The following ATP6V0A1 variants were observed in gnomAD, a reference collection of about 807,000 sequenced individuals.
ATP6V0A1 encodes ATPase H+ transporting V0 subunit a1, also known as V-type proton ATPase 116 kDa subunit a 1.
A neutral mutation model predicts 105.4 loss-of-function variants in ATP6V0A1; 43 were observed. The ratio of observed to expected loss-of-function variants is 0.41; its 90% confidence interval spans 0.32 to 0.53. The LOEUF (loss-of-function observed/expected upper bound fraction) is 0.53. Among genes scored for constraint, ATP6V0A1 ranks in the 20% least tolerant of loss-of-function variants. ATP6V0A1 has a pLI of 0.30. For synonymous variants in ATP6V0A1, 362 were observed against 372.8 expected, an observed-to-expected ratio of 0.97 and a Z score of 0.33; for missense variants, 676 against 1,051.1, an observed-to-expected ratio of 0.64 and a Z score of 4.93.
At chr17:42,471,021 G>A (rs2087829403) in intron 5 of ATP6V0A1, 1 of 152,196 alleles carries the variant, frequency 6.6e-6, no homozygotes, top group East Asian at 1.9e-4. Flanking sequence ...TACTCGAGAG[G>A]CTGAGGCAGG....
At chr17:42,486,949 T>G (rs895189116) in intron 9 of ATP6V0A1, among the ~76,000 whole-genome samples, 2 of 152,188 alleles carry the variant, frequency 1.3e-5, no homozygotes, top group Non-Finnish European at 2.9e-5. Flanking sequence ...GGTTTCTTTT[T>G]AGGTTGAAGC....
At chr17:42,518,782 G>A (rs1443222220) in intron 21 of ATP6V0A1, 5 of 152,224 alleles carry the variant, frequency 3.3e-5, no homozygotes, top group African/African-American at 1.2e-4. Context: ...AGTGTCTTGG[G>A]GCATGGCAAG....
intron 11 of ATP6V0A1, among the ~76,000 whole-genome samples, chr17:42,492,706 CAAAA>C (rs56397012): frequency 1.2e-4 from 11 of 95,122 alleles, no homozygotes; most frequent in Admixed American, 1.2e-4. Context: ...AACTCTGTCT[CAAAA>C]AAAAAAAAAA....
chr17:42,515,535 C>T (rs2092584697), intron 21 of ATP6V0A1, among the ~76,000 whole-genome samples: 1 of 149,108 alleles, frequency 6.7e-6, no homozygotes, highest in Admixed American at 6.7e-5. Context: ...CCTGTAATCC[C>T]AGCACTTTGG....
intron 11 of ATP6V0A1, among the ~76,000 whole-genome samples, chr17:42,491,519 C>T (rs1304873191): frequency 6.6e-6 from 1 of 150,540 alleles, no homozygotes; most frequent in Non-Finnish European, 1.5e-5. Context: ...GATTTACTCT[C>T]GTTGCCCAGG....
intron 21 of ATP6V0A1, 131 bp from the exon 22 acceptor site, chr17:42,520,896 C>T (rs2092816281): frequency 2.5e-6 from 2 of 786,258 alleles, no homozygotes; most frequent in African/African-American, 1.7e-5. Context: ...TCTGGGCTTT[C>T]TCTAGCTTCC....
intron 11 of ATP6V0A1, 74 bp from the exon 12 acceptor site, chr17:42,494,259 GA>G: frequency 6.9e-7 from 1 of 1,440,282 alleles, no homozygotes. Context: ...GGTGGGTATG[GA>G]AAAGAATGTA....
chr17:42,478,134 TCTCA>T (rs1024165162), intron 6 of ATP6V0A1, among the ~76,000 whole-genome samples: 10 of 144,546 alleles, frequency 6.9e-5, no homozygotes, highest in Non-Finnish European at 1.5e-4. Context: ...CACCACATGT[TCTCA>T]CTCATAGGTG....
chr17:42,512,284 T>C (rs2092381063), intron 19 of ATP6V0A1, among the ~76,000 whole-genome samples: 1 of 152,216 alleles, frequency 6.6e-6, no homozygotes, highest in African/African-American at 2.4e-5. Context: ...GCTTCTCTCC[T>C]GTCCTGCAGT....
At chr17:42,466,651 C>T (rs1322863297) in intron 3 of ATP6V0A1, 144 bp downstream of exon 3, 17 of 659,428 alleles carry the variant, frequency 2.6e-5, no homozygotes, top group South Asian at 4.8e-5. Flanking sequence ...GTGTATTTCT[C>T]GTATACGAGT....
intron 10 of ATP6V0A1, among the ~76,000 whole-genome samples, chr17:42,487,584 C>T (rs4796589): frequency 0.94 from 142,940 of 152,136 alleles, 67,828 homozygotes; most frequent in East Asian, 1. Flanking sequence ...AAAAATTAGC[C>T]GGGCGTGTTG....
chr17:42,513,977 G>A lies in ATP6V0A1; in HGVS notation c.2247G>A (p.Ala749=), dbSNP rs141011161. The A allele has an allele frequency of 4.5e-5, 73 of 1,613,032 alleles. 1 individual carries two copies. In the East Asian group the frequency reaches 6.0e-4, roughly 13 times the overall value. The change falls in exon 20 of 22, where the codon GCG becomes GCA. Residue 749 remains alanine, a splice_region_variant and synonymous_variant. Coordinates refer to ENST00000343619, the MANE Select transcript of ATP6V0A1 (RefSeq NM_001130021.3). ...LRLWALSLAH[A]QLSEVLWTMV... Reference sequence around the variant, plus strand: ...TCTGGGCCCTCAGCCTCGCTCATGCGCGTGAGTACCTCTCTCCGGGCTCCG... The same window carrying A: ...TCTGGGCCCTCAGCCTCGCTCATGCACGTGAGTACCTCTCTCCGGGCTCCG...
Position 42,521,780 on chromosome 17 carries a change from A to G in ATP6V0A1, c.*660A>G, listed in dbSNP as rs1200181723. On this transcript the variant is annotated 3_prime_UTR_variant, in exon 22 of 22. Transcript: ENST00000343619. This position sits in a 1 kb window ranked among gnomAD's most constrained non-coding sequence, Gnocchi z 4.8. ...CCCATCCTTTCCTCTCTCCCCGTTCATGCCCTGCACTACATAGCACAGCCG... is the reference window on the plus strand; with the variant it reads ...CCCATCCTTTCCTCTCTCCCCGTTCGTGCCCTGCACTACATAGCACAGCCG... 6.6e-6 allele frequency: 1 copy of G among 152,572 alleles called. No homozygotes were observed. Among genetic ancestry groups the G allele is most frequent in the East Asian group, 1.9e-4 (1 of 5,324 alleles). The allele number at this position is 152,572 out of a possible 1,614,324, so 9.5% of individuals were successfully genotyped here. A position where few individuals can be genotyped will look rare whatever the true frequency, so the allele number is the denominator to read the frequency against.
In ATP6V0A1 at chr17:42,470,177, T is replaced by C. The variant is rs1285429233; in HGVS notation, c.382T>C (p.Leu128=). 7 of 1,613,232 alleles carry C rather than the reference T, an allele frequency of 4.3e-6. No homozygotes were observed. The East Asian group carries it at 1.6e-4, about 36-fold the overall frequency. The change falls in exon 5 of 22, where the codon TTA becomes CTA. Residue 128 remains leucine, a synonymous_variant. Coordinates refer to ENST00000343619, the MANE Select transcript of ATP6V0A1 (RefSeq NM_001130021.3). ...LKRNFLELTE[L]KFILRKTQQF... ...GAGAAACTTCCTGGAACTGACCGAA[T>C]TAAAATTTATACTTCGCAAAACTCA...
At chr17:42,485,667 C>T (rs768105533) in intron 9 of ATP6V0A1, among the ~76,000 whole-genome samples, 2 of 152,138 alleles carry the variant, frequency 1.3e-5, no homozygotes, top group African/African-American at 2.4e-5. Context: ...CAATCTGTCT[C>T]AGCCTCCCAA....
intron 19 of ATP6V0A1, chr17:42,510,620 A>G (rs934053177): frequency 3.9e-5 from 6 of 152,410 alleles, no homozygotes; most frequent in African/African-American, 1.2e-4. Context: ...GGAGTGGGGA[A>G]CTGGGGACAG....
intron 5 of ATP6V0A1, among the ~76,000 whole-genome samples, chr17:42,474,687 A>G (rs2088495966): frequency 6.6e-6 from 1 of 152,202 alleles, no homozygotes. Context: ...TGAAATTATA[A>G]TATTTGCAAA....
intron 5 of ATP6V0A1, among the ~76,000 whole-genome samples, chr17:42,472,178 C>T (rs1030124941): frequency 6.6e-5 from 10 of 151,524 alleles, no homozygotes; most frequent in Non-Finnish European, 8.8e-5. Context: ...CTCAGCCTCC[C>T]GAGTAGCTGG....
intron 21 of ATP6V0A1, among the ~76,000 whole-genome samples, chr17:42,517,545 A>T (rs749757871): frequency 1.3e-5 from 2 of 152,188 alleles, no homozygotes; most frequent in African/African-American, 2.4e-5. Context: ...AACTTCCAGA[A>T]TCTCGTCTTT....
Sources: gnomAD v4.1 joint callset for allele counts (sites outside exome capture counted in the v4.1 genomes callset) on GRCh38, gnomAD v4.1.1 for gene constraint, Gnocchi (gnomAD v3.1) non-coding constraint, MANE v1.5 for transcripts, NCBI Gene and HGNC (gene_info 2026-07-23, HGNC 2026-07-21) for gene names.